HUNK: variants seen among roughly 807,000 people sequenced by gnomAD.
The protein encoded by HUNK is hormonally up-regulated neu tumor-associated kinase.
HUNK carries 21 observed loss-of-function variants against 61.0 expected under a neutral mutation model. That is an observed-to-expected ratio of 0.34 (90% CI 0.24 to 0.50). The LOEUF (loss-of-function observed/expected upper bound fraction) is 0.50, where lower values mean the gene tolerates loss of function less well. Ranked by LOEUF, HUNK falls within the 20% of genes least tolerant of loss-of-function variation. The probability of loss-of-function intolerance (pLI) is 0.98; values close to 1 mark genes in which losing one functional copy is unlikely to be tolerated. For synonymous variants in HUNK, 371 were observed against 386.1 expected, an observed-to-expected ratio of 0.96 and a Z score of 0.46; for missense variants, 772 against 945.7, an observed-to-expected ratio of 0.82 and a Z score of 2.41.
intron 1 of HUNK, among the ~76,000 whole-genome samples, chr21:31,908,607 G>T: frequency 6.6e-6 from 1 of 152,188 alleles, no homozygotes; most frequent in East Asian, 1.9e-4. Context: ...GGTGCAGGCT[G>T]CCCACCACGT....
chr21:31,978,637 A>C (rs1326014319), intron 7 of HUNK, among the ~76,000 whole-genome samples: 1 of 152,200 alleles, frequency 6.6e-6, no homozygotes, highest in Non-Finnish European at 1.5e-5. Flanking sequence ...AGGTTCATCC[A>C]TATTGTCAAA....
In HUNK at chr21:31,924,998, G is replaced by A. The variant is rs1405908380; in HGVS notation, c.554+238G>A. Among the ~76,000 whole-genome samples, 1 of 152,204 alleles carries A rather than the reference G, an allele frequency of 6.6e-6. No homozygotes were observed. Among genetic ancestry groups the A allele is most frequent in the Non-Finnish European group, 1.5e-5 (1 of 68,032 alleles). ...TGCAACCTCCGCCTTGTGGGTTCAAGCGATTTTCCTGCCTCAGCCACCCAA... is the reference window on the plus strand; with the variant it reads ...TGCAACCTCCGCCTTGTGGGTTCAAACGATTTTCCTGCCTCAGCCACCCAA... On this transcript the variant is annotated intron_variant, in intron 2 of 10. Transcript: ENST00000270112. The surrounding 1 kb of genome is among the most constrained non-coding windows in gnomAD (Gnocchi z 5.1).
chr21:31,930,679 AG>A (rs2052690385), intron 2 of HUNK, among the ~76,000 whole-genome samples: 1 of 152,234 alleles, frequency 6.6e-6, no homozygotes, highest in Non-Finnish European at 1.5e-5. Flanking sequence ...TGTTGAATGA[AG>A]GAAGGAAAAT....
intron 4 of HUNK, among the ~76,000 whole-genome samples, chr21:31,958,393 G>A (rs1253912552): frequency 6.6e-6 from 1 of 151,984 alleles, no homozygotes; most frequent in African/African-American, 2.4e-5. Context: ...CCGCCTCCTG[G>A]GTTCAAGTGA....
At chr21:31,973,581 GTGATGA>G (rs34890227) in intron 6 of HUNK, among the ~76,000 whole-genome samples, 1 of 150,202 alleles carries the variant, frequency 6.7e-6, no homozygotes, top group East Asian at 2.0e-4. Context: ...GATGGTGGTG[GTGATGA>G]TGATGATGAT....
At chr21:31,900,859 A>G (rs576654083) in intron 1 of HUNK, among the ~76,000 whole-genome samples, 10 of 152,268 alleles carry the variant, frequency 6.6e-5, no homozygotes, top group Admixed American at 6.5e-4. Context: ...GCCATGACAA[A>G]GTGTCCACAG....
chr21:31,882,922 A>T (rs1179524714), intron 1 of HUNK, among the ~76,000 whole-genome samples: 13 of 151,692 alleles, frequency 8.6e-5, no homozygotes, highest in African/African-American at 3.2e-4. Flanking sequence ...GAATTGCCTC[A>T]CTCTTTATGT....
chr21:31,985,246 G>T (rs937260069), intron 8 of HUNK, among the ~76,000 whole-genome samples: 91 of 152,304 alleles, frequency 6.0e-4, no homozygotes, highest in African/African-American at 2.1e-3. Context: ...CCCCAGTGAG[G>T]TCACTGAGCC....
At chr21:31,908,702 G>T (rs1488303271) in intron 1 of HUNK, among the ~76,000 whole-genome samples, 1 of 152,106 alleles carries the variant, frequency 6.6e-6, no homozygotes, top group Non-Finnish European at 1.5e-5. Flanking sequence ...TTGTTTTTTG[G>T]ATCCCGTGGA....
chr21:31,975,078 T>C (rs2123853112), intron 7 of HUNK, among the ~76,000 whole-genome samples: 1 of 151,986 alleles, frequency 6.6e-6, no homozygotes, highest in East Asian at 1.9e-4. Context: ...GTCCTAAAAC[T>C]CGGGTAGCAG....
intron 4 of HUNK, among the ~76,000 whole-genome samples, chr21:31,954,737 C>T (rs534854801): frequency 1.1e-3 from 160 of 152,264 alleles, no homozygotes; most frequent in African/African-American, 3.7e-3. Context: ...TTTCTGATTC[C>T]GGAGATGTGC....
chr21:32,000,964 A>G lies in HUNK; in HGVS notation c.*1780A>G, dbSNP rs1405125056. ...GTATAGCTTCAGACTGGGTTCCAGA[A>G]CTTACCATTGAAAACAGAGCTTTTA... On this transcript the variant is annotated 3_prime_UTR_variant, in exon 11 of 11. Coordinates refer to ENST00000270112, the MANE Select transcript of HUNK (RefSeq NM_014586.2). 2 of 380,642 alleles carry G rather than the reference A, an allele frequency of 5.3e-6. No homozygotes were observed. The highest frequency in any genetic ancestry group is 1.5e-4 in the South Asian group (1 of 6,858). 23.6% of individuals were successfully genotyped at this position (380,642 alleles called of 1,614,324 possible).
chr21:31,939,853 C>T (rs1333129294), intron 2 of HUNK, among the ~76,000 whole-genome samples: 1 of 151,834 alleles, frequency 6.6e-6, no homozygotes, highest in East Asian at 1.9e-4. Flanking sequence ...GTTCCTCTCT[C>T]CCCACACCCT....
intron 1 of HUNK, among the ~76,000 whole-genome samples, chr21:31,897,861 T>A (rs1021770800): frequency 2.0e-5 from 3 of 152,156 alleles, no homozygotes; most frequent in African/African-American, 7.2e-5. Flanking sequence ...ACCTTCTAGG[T>A]AGCTTCATTG....
In HUNK at chr21:31,979,737, A is replaced by T. The variant is rs34534478; in HGVS notation, c.1174-3789A>T. On this transcript the variant is annotated intron_variant, in intron 7 of 10. Transcript: ENST00000270112. ...TCACCGTGTTAGCCAGGATGGTCTC[A>T]ATCTCCTGACCTCGTGATCTGCCCA... is the stretch of plus-strand genomic sequence containing the variant. 4.6e-5 allele frequency among the ~76,000 whole-genome samples: 7 copies of T among 151,264 alleles called. No individual in the cohort carries two copies. In the South Asian group the frequency reaches 6.2e-4, roughly 13 times the overall value.
chr21:31,917,318 G>C (rs374514166), intron 1 of HUNK, among the ~76,000 whole-genome samples: 1 of 151,906 alleles, frequency 6.6e-6, no homozygotes, highest in Non-Finnish European at 1.5e-5. Flanking sequence ...TCAGCCTCCC[G>C]AGCAGCTGGG....
intron 4 of HUNK, among the ~76,000 whole-genome samples, chr21:31,947,232 C>T (rs1379527291): frequency 2.6e-5 from 4 of 151,512 alleles, no homozygotes; most frequent in African/African-American, 7.3e-5. Context: ...GGCGCCTGCG[C>T]ATTCCCACAT....
intron 2 of HUNK, among the ~76,000 whole-genome samples, chr21:31,926,326 T>G (rs7276438): frequency 6.6e-6 from 1 of 152,082 alleles, no homozygotes; most frequent in Admixed American, 6.5e-5. Flanking sequence ...CATGTATGTT[T>G]AAATATTTTT....
intron 5 of HUNK, among the ~76,000 whole-genome samples, chr21:31,963,813 A>G (rs745342671): frequency 6.6e-6 from 1 of 152,162 alleles, no homozygotes; most frequent in Non-Finnish European, 1.5e-5. Flanking sequence ...TCATATATGT[A>G]ATGATCATAT....
Sources: gnomAD v4.1 joint callset for allele counts (sites outside exome capture counted in the v4.1 genomes callset) on GRCh38, gnomAD v4.1.1 for gene constraint, Gnocchi (gnomAD v3.1) non-coding constraint, MANE v1.5 for transcripts, NCBI Gene and HGNC (gene_info 2026-07-23, HGNC 2026-07-21) for gene names.